Variants in PCF11 observed in about 807,000 individuals in gnomAD.
PCF11 encodes PCF11 cleavage and polyadenylation factor subunit, also known as pre-mRNA cleavage complex 2 protein Pcf11.
In PCF11, 19 loss-of-function variants were observed where a neutral mutation model predicts 166.1. The observed-to-expected ratio is 0.11, with a 90% CI of 0.08 to 0.17. PCF11 has a LOEUF of 0.17. Among genes scored for constraint, PCF11 ranks in the 10% least tolerant of loss-of-function variants. The pLI, the probability that PCF11 is intolerant of heterozygous loss-of-function variation, is 1.00. For synonymous variants in PCF11, 663 were observed against 644.1 expected, an observed-to-expected ratio of 1.03 and a Z score of -0.44; for missense variants, 1,565 against 1,855.5, an observed-to-expected ratio of 0.84 and a Z score of 2.88.
In PCF11 at chr11:83,158,657, C is replaced by CA. The variant is rs1450256823; in HGVS notation, c.192+1027dup. On this transcript the variant is annotated intron_variant, in intron 1 of 15. Coordinates refer to ENST00000298281, the Ensembl canonical transcript of PCF11. ...ACATTTTATTTTTCAAGCTTGTACTCACGGTTTAGTTTTTTCTAGTTGTTA... is the reference window on the plus strand; with the variant it reads ...ACATTTTATTTTTCAAGCTTGTACTCAACGGTTTAGTTTTTTCTAGTTGTTA... 6 of 152,154 alleles carry CA rather than the reference C, an allele frequency of 3.9e-5. No individual in the cohort carries two copies. The East Asian group carries it at 7.7e-4, about 20-fold the overall frequency. The allele number at this position is 152,154 out of a possible 1,614,324, so 9.4% of individuals were successfully genotyped here. A position where few individuals can be genotyped will look rare whatever the true frequency, so the allele number is the denominator to read the frequency against.
exon 5 of PCF11, chr11:83,165,850 T>C: frequency 1.2e-6 from 2 of 1,608,228 alleles, no homozygotes; most frequent in Non-Finnish European, 1.7e-6. Context: ...AAAGAATTTC[T>C]AATGAACACA....
chr11:83,172,500 G>C (rs1040219287), intron 9 of PCF11, among the ~76,000 whole-genome samples: 1 of 152,066 alleles, frequency 6.6e-6, no homozygotes, highest in Non-Finnish European at 1.5e-5. Context: ...TTGCCTCACT[G>C]CAGCCTCTGC....
chr11:83,182,922 A>G (rs1465694889), intron 14 of PCF11, 116 bp from the exon 15 acceptor site: 3 of 726,266 alleles, frequency 4.1e-6, no homozygotes, highest in Non-Finnish European at 6.9e-6. Flanking sequence ...TTTGGGACCA[A>G]ATAATTTTTG....
chr11:83,171,959 T>G, intron 9 of PCF11, 45 bp downstream of exon 9: 1 of 888,806 alleles, frequency 1.1e-6, no homozygotes, highest in Non-Finnish European at 1.8e-6. Context: ...AAATGATTAT[T>G]GTTTTGTTGA....
chr11:83,176,791 C>T (rs1296786882), intron 9 of PCF11, among the ~76,000 whole-genome samples: 1 of 151,120 alleles, frequency 6.6e-6, no homozygotes, highest in South Asian at 2.1e-4. Context: ...ACCTATGTAA[C>T]AAACCTGCAC....
chr11:83,179,182 A>G (rs1436609375), intron 11 of PCF11, among the ~76,000 whole-genome samples: 4 of 151,998 alleles, frequency 2.6e-5, no homozygotes, highest in African/African-American at 9.7e-5. Context: ...CCTTCACCCA[A>G]CACTGTACCC....
rs1352082461 is a variant in PCF11, at chr11:83,168,544, G to C, written c.2209G>C (p.Asp737His). The C allele has an allele frequency of 5.6e-6, 9 of 1,613,850 alleles. No homozygotes were observed. The highest frequency in any genetic ancestry group is 1.3e-5 in the African/African-American group (1 of 74,898). The change falls in exon 8 of 16, where the codon GAT becomes CAT. Residue 737 changes from aspartate to histidine, a missense_variant. Coordinates refer to ENST00000298281, the Ensembl canonical transcript of PCF11. ...TCCAGCATCAAGATTCGCCGGCCTG[G>C]ATACAAATCAGCGACTTACAGCTTT...
chr11:83,160,327 T>G lies in PCF11; in HGVS notation c.193-1000T>G, dbSNP rs1860189863. Reference sequence around the variant, plus strand: ...GTAAATGGGGATAACCTAAGTTTTTTTTTTTTTTTTTTTTTTGTCTTTTTT... The same window carrying G: ...GTAAATGGGGATAACCTAAGTTTTTGTTTTTTTTTTTTTTTTGTCTTTTTT... On this transcript the variant is annotated intron_variant, in intron 1 of 15. Coordinates refer to ENST00000298281, the Ensembl canonical transcript of PCF11. Among the ~76,000 whole-genome samples, 3 of 144,578 alleles carry G rather than the reference T, an allele frequency of 2.1e-5. No individual in the cohort carries two copies. In the South Asian group the frequency reaches 6.5e-4, roughly 31 times the overall value. 94.8% of individuals were successfully genotyped at this position (144,578 alleles called of 152,430 possible).
At chr11:83,157,414 G>T (rs768698231) in exon 1 of PCF11, 1 of 1,597,910 alleles carries the variant, frequency 6.3e-7, no homozygotes, top group South Asian at 1.1e-5. Context: ...CAGCTGCAGC[G>T]GACCTCGGAG....
chr11:83,183,067 T>A lies in PCF11; in HGVS notation c.4446T>A (p.Tyr1482Ter). 1 of 1,473,432 alleles carries A rather than the reference T, an allele frequency of 6.8e-7. No homozygotes were observed. The highest frequency in any genetic ancestry group is 9.3e-7 in the Non-Finnish European group (1 of 1,071,796). The allele number at this position is 1,473,432 out of a possible 1,614,324, so 91.3% of individuals were successfully genotyped here. ...ATCATCCATCATGTTATGAAGATTA[T>A]CAAAATGTAAGTTCTTTTTGGTTAC... is the stretch of plus-strand genomic sequence containing the variant. Residue 1482 changes from tyrosine to a stop codon, truncating the protein, a stop_gained, in exon 15 of 16, where the codon TAT becomes TAA. Coordinates refer to ENST00000298281, the Ensembl canonical transcript of PCF11. LOFTEE classifies it high-confidence loss of function.
chr11:83,168,525 A>G, exon 8 of PCF11: 2 of 1,614,078 alleles, frequency 1.2e-6, no homozygotes, highest in Non-Finnish European at 1.7e-6. Context: ...ATAGTCCAGC[A>G]TCAAGATTCG....
At chr11:83,168,729 G>C (rs747467546) in exon 8 of PCF11, 15 of 1,613,526 alleles carry the variant, frequency 9.3e-6, no homozygotes, top group South Asian at 3.3e-5. Flanking sequence ...CAGGACAAAT[G>C]GGGGGAGGAG....
Position 83,168,460 on chromosome 11 carries a change from G to A in PCF11, c.2125G>A (p.Asp709Asn). 1 of 1,607,480 alleles carries A rather than the reference G, an allele frequency of 6.2e-7. No homozygotes were observed. Among genetic ancestry groups the A allele is most frequent in the African/African-American group, 1.3e-5 (1 of 74,910 alleles). The change falls in exon 8 of 16, where the codon GAT becomes AAT. Residue 709 changes from aspartate (D) to asparagine (N), a missense_variant. By Grantham distance (23) the Asp-to-Asn change is conservative. Transcript: ENST00000298281. ...AGAAGAGCAGAGATCTCCATTCAATGATCGTTTTCCACTTAAGCGACCTCG... is the reference window on the plus strand; with the variant it reads ...AGAAGAGCAGAGATCTCCATTCAATAATCGTTTTCCACTTAAGCGACCTCG...
In PCF11 at chr11:83,185,795, CTT is replaced by C. The variant is rs557041505; in HGVS notation, c.*903_*904del. Reference sequence around the variant, plus strand: ...TGTAATAAATAGAATGATGAAGAAACTTTGTTTGTACTTCTTTATTTCTTGAA... The same window carrying C: ...TGTAATAAATAGAATGATGAAGAAACTGTTTGTACTTCTTTATTTCTTGAA... On this transcript the variant is annotated 3_prime_UTR_variant, in exon 16 of 16. Transcript: ENST00000298281. 2.6e-5 allele frequency: 4 copies of C among 152,362 alleles called. No homozygotes were observed. Among genetic ancestry groups the C allele is most frequent in the East Asian group, 3.9e-4 (2 of 5,186 alleles). The allele number at this position is 152,362 out of a possible 1,614,324, so 9.4% of individuals were successfully genotyped here.
chr11:83,174,751 T>G (rs1322569236), intron 9 of PCF11, among the ~76,000 whole-genome samples: 1 of 152,228 alleles, frequency 6.6e-6, no homozygotes, highest in Non-Finnish European at 1.5e-5. Flanking sequence ...TTAAAATCCC[T>G]GGAGTCTGGT....
At chr11:83,173,291 C>G (rs1287230313) in intron 9 of PCF11, among the ~76,000 whole-genome samples, 1 of 152,054 alleles carries the variant, frequency 6.6e-6, no homozygotes, top group Non-Finnish European at 1.5e-5. Flanking sequence ...CTCGTCTCTA[C>G]TAAAAATACA....
At chr11:83,172,508 T>A (rs1164423586) in intron 9 of PCF11, among the ~76,000 whole-genome samples, 1 of 152,116 alleles carries the variant, frequency 6.6e-6, no homozygotes, top group African/African-American at 2.4e-5. Flanking sequence ...CTGCAGCCTC[T>A]GCCTCCGGGG....
At chr11:83,177,784 A>G in exon 11 of PCF11, 1 of 1,534,940 alleles carries the variant, frequency 6.5e-7, no homozygotes, top group South Asian at 1.2e-5. Flanking sequence ...AAGATGTTCC[A>G]GATCTTACTA....
intron 2 of PCF11, among the ~76,000 whole-genome samples, chr11:83,162,454 T>C (rs1387298005): frequency 1.3e-5 from 2 of 152,258 alleles, no homozygotes; most frequent in Admixed American, 1.3e-4. Context: ...CTATATCATA[T>C]AGCATTAAAA....
Sources: allele counts gnomAD v4.1 joint callset (sites outside exome capture counted in the v4.1 genomes callset), GRCh38; gene constraint gnomAD v4.1.1; transcripts MANE v1.5; gene names NCBI Gene and HGNC (gene_info 2026-07-23, HGNC 2026-07-21).